LAMC2: variants seen among roughly 807,000 people sequenced by gnomAD.
LAMC2 encodes the protein laminin subunit gamma-2.
A neutral mutation model predicts 140.2 loss-of-function variants in LAMC2; 97 were observed. The ratio of observed to expected loss-of-function variants is 0.69; its 90% CI spans 0.59 to 0.82. The LOEUF (loss-of-function observed/expected upper bound fraction) is 0.82. Ranked by LOEUF, LAMC2 falls within the 40% of genes least tolerant of loss-of-function variation. The probability of loss-of-function intolerance (pLI) is 0.00; values close to 1 mark genes in which losing one functional copy is unlikely to be tolerated. For missense variants in LAMC2, 1,402 were observed against 1,476.1 expected, an observed-to-expected ratio of 0.95 and a Z score of 0.82; for synonymous variants, 513 against 540.2, an observed-to-expected ratio of 0.95 and a Z score of 0.70.
chr1:183,240,621 T>C (rs1660108665), intron 22 of LAMC2: 2 of 1,419,104 alleles, frequency 1.4e-6, no homozygotes, highest in Admixed American at 5.8e-5. Flanking sequence ...CACTTGGGGG[T>C]AAAGGTCTGT....
chr1:183,229,843 C>T (rs1392760727), intron 11 of LAMC2, among the ~76,000 whole-genome samples: 1 of 151,946 alleles, frequency 6.6e-6, no homozygotes, highest in Admixed American at 6.6e-5. Context: ...CCAGACCAGC[C>T]CAGACCCCAA....
chr1:183,238,335 A>T lies in LAMC2; in HGVS notation c.2783A>T (p.Asn928Ile), dbSNP rs756977128. Residue 928 changes from asparagine (N) to isoleucine (I), a missense_variant, in exon 19 of 23, where the codon AAT becomes ATT. This residue lies in a region of LAMC2 where 670 missense variants were observed against 667.2 expected (regional missense o/e 1.00). Coordinates refer to ENST00000264144, the MANE Select transcript of LAMC2 (RefSeq NM_005562.3). ...EKSDQLLSRA[N>I]LAKSRAQEAL... ...TCAGATCAGCTGCTTTCCCGTGCCA[A>T]TCTTGCTAAAAGCAGAGCACAAGAA... 6.2e-7 allele frequency: 1 copy of T among 1,613,942 alleles called. No homozygotes were observed. Among genetic ancestry groups the T allele is most frequent in the African/African-American group, 1.3e-5 (1 of 74,932 alleles).
chr1:183,207,817 T>C, intron 1 of LAMC2, 64 bp from the exon 2 acceptor site: 1 of 1,319,020 alleles, frequency 7.6e-7, no homozygotes, highest in Non-Finnish European at 1.1e-6. Context: ...AAACACCTGC[T>C]AGAACAGTTC....
At chr1:183,211,067 T>A (rs796625403) in intron 2 of LAMC2, among the ~76,000 whole-genome samples, 3 of 152,386 alleles carry the variant, frequency 2.0e-5, no homozygotes, top group African/African-American at 7.2e-5. Flanking sequence ...ATTACATGTA[T>A]GTCAAATGAA....
chr1:183,232,461 C>A (rs1659828713), intron 13 of LAMC2, 118 bp downstream of exon 13: 4 of 1,278,498 alleles, frequency 3.1e-6, no homozygotes, highest in Non-Finnish European at 4.4e-6. Flanking sequence ...CCAGCCAGCC[C>A]TTGCAGAAGT....
In LAMC2 at chr1:183,186,328, A is replaced by G. The variant is rs772328707; in HGVS notation, c.-25A>G. ...GGGCAGCGACCCCTGCAGCGGAGACAGAGACTGAGCGGCCCGGCCCCGCCA... is the reference window on the plus strand; with the variant it reads ...GGGCAGCGACCCCTGCAGCGGAGACGGAGACTGAGCGGCCCGGCCCCGCCA... On this transcript the variant is annotated 5_prime_UTR_variant, in exon 1 of 23. Coordinates refer to ENST00000264144, the MANE Select transcript of LAMC2 (RefSeq NM_005562.3). 1.9e-6 allele frequency: 3 copies of G among 1,579,896 alleles called. No homozygotes were observed. The highest frequency in any genetic ancestry group is 1.8e-5 in the Admixed American group (1 of 56,348).
At chr1:183,191,858 CA>C (rs5779158) in intron 1 of LAMC2, among the ~76,000 whole-genome samples, 2 of 148,288 alleles carry the variant, frequency 1.3e-5, no homozygotes, top group Non-Finnish European at 1.5e-5. Context: ...GATTCCATAT[CA>C]AAAAAAAAAG....
intron 1 of LAMC2, among the ~76,000 whole-genome samples, chr1:183,193,627 T>C (rs1430144595): frequency 6.6e-6 from 1 of 152,220 alleles, no homozygotes; most frequent in Non-Finnish European, 1.5e-5. Context: ...TGGCCTACTT[T>C]GGGAAGGCAG....
In LAMC2 at chr1:183,215,555, C is replaced by T. The variant is rs11586699; in HGVS notation, c.371C>T (p.Thr124Met). The change falls in exon 3 of 23, where the codon ACG (threonine) becomes ATG (methionine). Residue 124 changes from threonine (T) to methionine (M), a missense_variant. Physicochemically the swap from Thr to Met is moderately conservative, Grantham distance 81. Transcript: ENST00000264144. ...DRCLPGFHML[T>M]DAGCTQDQRL... ...TGTCTGCCAGGCTTCCACATGCTCA[C>T]GGATGCGGGGTGCACCCAAGACCAG... The T allele has an allele frequency of 0.075, 120,738 of 1,614,054 alleles. 5,338 individuals carry two copies. Among genetic ancestry groups the T allele is most frequent in the Middle Eastern group, 0.18 (1,120 of 6,060 alleles).
the LAMC2 span, among the ~76,000 whole-genome samples, chr1:183,258,718 G>A: frequency 1.3e-5 from 2 of 151,990 alleles, no homozygotes; most frequent in Non-Finnish European, 2.9e-5. Flanking sequence ...GCAATATTTT[G>A]TAGACCCTGC....
chr1:183,242,611 G>A lies in LAMC2; in HGVS notation c.3329-536G>A, dbSNP rs1660160237. 2.0e-5 allele frequency among the ~76,000 whole-genome samples: 3 copies of A among 152,340 alleles called. 1 individual carries two copies. In the South Asian group the frequency reaches 6.2e-4, roughly 32 times the overall value. On this transcript the variant is annotated intron_variant, in intron 22 of 22. Transcript: ENST00000264144. Reference sequence around the variant, plus strand: ...GCTGTTTCAGGCTGGAATGATGTCTGACATCAATTTCTAGCAGCTGGAATC... The same window carrying A: ...GCTGTTTCAGGCTGGAATGATGTCTAACATCAATTTCTAGCAGCTGGAATC...
At chr1:183,240,892 T>G (rs1558099946) in intron 22 of LAMC2, 1 of 172,330 alleles carries the variant, frequency 5.8e-6, no homozygotes, top group Non-Finnish European at 1.2e-5. Context: ...GAGCCTGCTC[T>G]AAGGCAGTAG....
At position 183,228,584 on chromosome 1, in the gene LAMC2, A is replaced by G. The variant is rs1475684806; in HGVS notation, c.1679A>G (p.Asp560Gly). 6.2e-7 allele frequency: 1 copy of G among 1,613,888 alleles called. No homozygotes were observed. Among genetic ancestry groups the G allele is most frequent in the Non-Finnish European group, 8.5e-7 (1 of 1,179,996 alleles). The change falls in exon 11 of 23, where the codon GAC becomes GGC. Residue 560 changes from aspartate to glycine, a missense_variant. Physicochemically the swap from Asp to Gly is moderately conservative, Grantham distance 94. This residue lies in a region of LAMC2 where 723 missense variants were observed against 783.3 expected (regional missense o/e 0.92). Coordinates refer to ENST00000264144, the MANE Select transcript of LAMC2 (RefSeq NM_005562.3). The surrounding 1 kb of genome is among the most constrained non-coding windows in gnomAD (Gnocchi z 4.3). ...CAGTGCAAAGCAGGCTACTTCGGGG[A>G]CCCATTGGCTCCCAACCCAGCAGAC... ...CDQCKAGYFG[D>G]PLAPNPADKC... is the part of the protein sequence containing the mutation.
Position 183,197,892 on chromosome 1 carries a change from C to T in LAMC2, c.80-9989C>T, listed in dbSNP as rs924992035. 5.9e-4 allele frequency among the ~76,000 whole-genome samples: 87 copies of T among 147,078 alleles called. 1 individual carries two copies. Among genetic ancestry groups the T allele is most frequent in the Middle Eastern group, 3.4e-3 (1 of 294 alleles). On this transcript the variant is annotated intron_variant, in intron 1 of 22. Transcript: ENST00000264144. Reference sequence around the variant, plus strand: ...GAGATTAAGGAGCCCTGAGGAGCACCGACATTTAGAGTAGGGGTAAGGAAA... The same window carrying T: ...GAGATTAAGGAGCCCTGAGGAGCACTGACATTTAGAGTAGGGGTAAGGAAA...
chr1:183,249,047 C>G (rs1660303668), downstream of LAMC2: 1 of 152,066 alleles, frequency 6.6e-6, no homozygotes, highest in Non-Finnish European at 1.5e-5. Context: ...TTAATTTGAA[C>G]AGCAAGTTCT....
At chr1:183,238,230 T>A (rs1660024388) in intron 18 of LAMC2, 77 bp from the exon 19 acceptor site, 1 of 1,027,548 alleles carries the variant, frequency 9.7e-7, no homozygotes. Flanking sequence ...TCTGCTGTCA[T>A]GAAGAGAAAT....
chr1:183,235,650 G>A lies in LAMC2; in HGVS notation c.2376G>A (p.Leu792=). ...TEDYSKQALS[L]VRKALHEGVG... ...ACTATTCCAAACAAGCCCTCTCACT[G>A]GTGCGCAAGGCCCTGCATGAAGGAG... Residue 792 remains leucine (L), a synonymous_variant, in exon 16 of 23, where the codon CTG becomes CTA. Coordinates refer to ENST00000264144, the MANE Select transcript of LAMC2 (RefSeq NM_005562.3). The A allele has an allele frequency of 6.2e-7, 1 of 1,614,234 alleles. No homozygotes were observed.
intron 20 of LAMC2, 106 bp downstream of exon 20, chr1:183,239,669 C>A: frequency 1.1e-6 from 1 of 940,730 alleles, no homozygotes; most frequent in Non-Finnish European, 1.6e-6. Context: ...GGCTCAGAGC[C>A]CTGTTGTGGC....
At chr1:183,218,299 G>T in intron 3 of LAMC2, 91 bp from the exon 4 acceptor site, 2 of 1,033,564 alleles carry the variant, frequency 1.9e-6, no homozygotes, top group Non-Finnish European at 3.0e-6. Context: ...GCCCAGCTTC[G>T]TGATGTTTGC....
Sources: gnomAD v4.1 joint callset for allele counts (sites outside exome capture counted in the v4.1 genomes callset) on GRCh38, gnomAD v4.1.1 for gene constraint, gnomAD v4.1.1 regional missense constraint, Gnocchi (gnomAD v3.1) non-coding constraint, MANE v1.5 for transcripts, NCBI Gene and HGNC (gene_info 2026-07-23, HGNC 2026-07-21) for gene names.